RPTOR: variants seen among roughly 807,000 people sequenced by gnomAD.
The protein encoded by RPTOR is regulatory associated protein of MTOR complex 1, also known as regulatory-associated protein of mTOR.
In RPTOR, 21 loss-of-function variants were observed where a neutral mutation model predicts 169.9. That is an observed-to-expected ratio of 0.12 (90% CI 0.09 to 0.18). RPTOR has a LOEUF of 0.18. Among genes scored for constraint, RPTOR ranks in the 10% least tolerant of loss-of-function variants. The probability of loss-of-function intolerance (pLI) is 1.00; values close to 1 mark genes in which losing one functional copy is unlikely to be tolerated. For missense variants in RPTOR, 1,133 were observed against 1,855.9 expected, an observed-to-expected ratio of 0.61 and a Z score of 7.16; for synonymous variants, 732 against 753.2, an observed-to-expected ratio of 0.97 and a Z score of 0.46.
chr17:80,944,336 C>T (rs2069071827), intron 25 of RPTOR, among the ~76,000 whole-genome samples: 1 of 152,226 alleles, frequency 6.6e-6, no homozygotes, highest in Non-Finnish European at 1.5e-5. Flanking sequence ...GAATCAGAGC[C>T]CTACCGAGCT....
intron 2 of RPTOR, among the ~76,000 whole-genome samples, chr17:80,641,620 A>G (rs932998840): frequency 7.2e-5 from 11 of 152,262 alleles, no homozygotes; most frequent in African/African-American, 2.7e-4. Flanking sequence ...CAGTGCATAT[A>G]AAAGTTACGT....
chr17:80,848,364 T>C (rs2067755694), intron 11 of RPTOR, among the ~76,000 whole-genome samples: 1 of 152,252 alleles, frequency 6.6e-6, no homozygotes, highest in African/African-American at 2.4e-5. Context: ...TTTTTGGACA[T>C]TGCAAAAAGA....
At chr17:80,870,547 A>T (rs2068040901) in intron 13 of RPTOR, among the ~76,000 whole-genome samples, 1 of 152,200 alleles carries the variant, frequency 6.6e-6, no homozygotes, top group Non-Finnish European at 1.5e-5. Flanking sequence ...AATTCAAAAA[A>T]TGTGCAAGGT....
chr17:80,700,736 G>GAGA (rs2066089696), intron 3 of RPTOR, among the ~76,000 whole-genome samples: 1 of 48,140 alleles, frequency 2.1e-5, no homozygotes, highest in Admixed American at 1.8e-4. Flanking sequence ...GGTGATGATG[G>GAGA]TGGTGGTGGT....
intron 1 of RPTOR, among the ~76,000 whole-genome samples, chr17:80,560,689 T>G (rs778939330): frequency 3.3e-5 from 5 of 152,124 alleles, no homozygotes; most frequent in African/African-American, 4.8e-5. Context: ...GGCCTTCCCT[T>G]GTGCTGTGGG....
chr17:80,613,576 G>A (rs140346314), intron 1 of RPTOR, among the ~76,000 whole-genome samples: 6 of 152,384 alleles, frequency 3.9e-5, no homozygotes, highest in South Asian at 2.1e-4. Context: ...GTTGAATGAC[G>A]CTGTGTTGGA....
At chr17:80,744,703 T>C (rs1219810740) in intron 5 of RPTOR, among the ~76,000 whole-genome samples, 1 of 28,788 alleles carries the variant, frequency 3.5e-5, no homozygotes, top group African/African-American at 3.5e-4. Flanking sequence ...ACTAGCACTG[T>C]CCTGGCTACT....
At chr17:80,755,646 C>T (rs932789771) in intron 6 of RPTOR, among the ~76,000 whole-genome samples, 1 of 148,588 alleles carries the variant, frequency 6.7e-6, no homozygotes, top group Non-Finnish European at 1.5e-5. Context: ...GGCTGAGGTA[C>T]TAGAATTGCT....
rs1358661873 is a variant in RPTOR, at chr17:80,602,222, C to T, written c.163-23469C>T. On this transcript the variant is annotated intron_variant, in intron 1 of 33. Coordinates refer to ENST00000306801, the MANE Select transcript of RPTOR (RefSeq NM_020761.3). ...CTGACCCCCCCACCTCCCTCCCGGACGGGGCGGCTGGCCGGTCGGGGGGCT... is the reference window on the plus strand; with the variant it reads ...CTGACCCCCCCACCTCCCTCCCGGATGGGGCGGCTGGCCGGTCGGGGGGCT... Among the ~76,000 whole-genome samples, 4 of 65,364 alleles carry T rather than the reference C, an allele frequency of 6.1e-5. 1 individual carries two copies. Among genetic ancestry groups the T allele is most frequent in the Non-Finnish European group, 1.3e-4 (4 of 29,968 alleles). The allele number at this position is 65,364 out of a possible 152,430, so 42.9% of individuals were successfully genotyped here. A position where few individuals can be genotyped will look rare whatever the true frequency, so the allele number is the denominator to read the frequency against.
intron 28 of RPTOR, among the ~76,000 whole-genome samples, chr17:80,953,537 C>T (rs948092503): frequency 2.6e-5 from 4 of 152,270 alleles, no homozygotes; most frequent in African/African-American, 9.6e-5. Flanking sequence ...AGTGGGGCCT[C>T]AGGGCCTCCT....
chr17:80,600,790 G>A (rs969459311), intron 1 of RPTOR, among the ~76,000 whole-genome samples: 8 of 152,180 alleles, frequency 5.3e-5, no homozygotes, highest in Non-Finnish European at 1.0e-4. Flanking sequence ...AGGATGTGAC[G>A]TGTGGTGGCC....
intron 24 of RPTOR, among the ~76,000 whole-genome samples, chr17:80,935,860 C>G (rs1188835408): frequency 6.6e-6 from 1 of 151,964 alleles, no homozygotes; most frequent in African/African-American, 2.4e-5. Context: ...AAGAAAAAAA[C>G]GATAAGTTGG....
chr17:80,669,175 G>A (rs1319525102), intron 3 of RPTOR, among the ~76,000 whole-genome samples: 1 of 152,192 alleles, frequency 6.6e-6, no homozygotes, highest in Non-Finnish European at 1.5e-5. Context: ...CTAGGGCGTG[G>A]GAATGTGGGT....
intron 6 of RPTOR, among the ~76,000 whole-genome samples, chr17:80,783,545 A>G (rs2066961728): frequency 6.6e-6 from 1 of 152,202 alleles, no homozygotes; most frequent in African/African-American, 2.4e-5. Context: ...TTTTGAACCC[A>G]AATGGCAGAG....
At chr17:80,913,796 T>G (rs1187211782) in intron 21 of RPTOR, among the ~76,000 whole-genome samples, 1 of 151,826 alleles carries the variant, frequency 6.6e-6, no homozygotes, top group Non-Finnish European at 1.5e-5. Flanking sequence ...TATGTAGAAG[T>G]AGAAAGAAGA....
chr17:80,590,991 G>A lies in RPTOR; in HGVS notation c.163-34700G>A, dbSNP rs1381218218. ...TATCATGTCTTCTATGCCTTTATGA[G>A]TCAGTTTTGGTGAGTTGTGTTTTTC... On this transcript the variant is annotated intron_variant, in intron 1 of 33. Coordinates refer to ENST00000306801, the MANE Select transcript of RPTOR (RefSeq NM_020761.3). Among the ~76,000 whole-genome samples, 5 of 151,980 alleles carry A rather than the reference G, an allele frequency of 3.3e-5. No homozygotes were observed. The South Asian group carries it at 6.2e-4, about 19-fold the overall frequency.
intron 26 of RPTOR, among the ~76,000 whole-genome samples, chr17:80,946,950 A>G (rs188231429): frequency 6.6e-6 from 1 of 152,256 alleles, no homozygotes; most frequent in Non-Finnish European, 1.5e-5. Context: ...TGTGGCTCCA[A>G]TTTCCCACAT....
chr17:80,831,382 T>G (rs1598337493), intron 9 of RPTOR, among the ~76,000 whole-genome samples: 1 of 152,216 alleles, frequency 6.6e-6, no homozygotes, highest in East Asian at 1.9e-4. Flanking sequence ...TGCAGAATTT[T>G]ACCTCCACTC....
intron 1 of RPTOR, among the ~76,000 whole-genome samples, chr17:80,615,253 T>A (rs906833962): frequency 1.3e-5 from 2 of 152,024 alleles, no homozygotes; most frequent in Non-Finnish European, 2.9e-5. Flanking sequence ...TGCCACCGCC[T>A]CCTGAAGAGC....
Sources: allele counts gnomAD v4.1 joint callset (sites outside exome capture counted in the v4.1 genomes callset), GRCh38; gene constraint gnomAD v4.1.1; transcripts MANE v1.5; gene names NCBI Gene and HGNC (gene_info 2026-07-23, HGNC 2026-07-21).